The following RBFOX2 variants were observed in gnomAD, a reference collection of about 807,000 sequenced individuals.
RBFOX2 encodes the protein RNA binding fox-1 homolog 2, also known as RNA binding protein fox-1 homolog 2.
A neutral mutation model predicts 49.1 loss-of-function variants in RBFOX2; 10 were observed. The observed-to-expected ratio is 0.20, with a 90% confidence interval of 0.13 to 0.35. The LOEUF (loss-of-function observed/expected upper bound fraction) is 0.35, where lower values mean the gene tolerates loss of function less well. Ranked by LOEUF, RBFOX2 falls within the 10% of genes least tolerant of loss-of-function variation. The pLI is 1.00. For synonymous variants in RBFOX2, 183 were observed against 187.4 expected, an observed-to-expected ratio of 0.98 and a Z score of 0.19; for missense variants, 323 against 486.9, an observed-to-expected ratio of 0.66 and a Z score of 3.17.
intron 1 of RBFOX2, among the ~76,000 whole-genome samples, chr22:35,916,617 C>T (rs958375522): frequency 6.6e-6 from 1 of 152,056 alleles, no homozygotes; most frequent in Non-Finnish European, 1.5e-5. Flanking sequence ...AGGAGTGGGC[C>T]GGCCGTGGTA....
chr22:35,905,728 A>G (rs1327366602), intron 1 of RBFOX2, among the ~76,000 whole-genome samples: 2 of 152,206 alleles, frequency 1.3e-5, no homozygotes, highest in African/African-American at 4.8e-5. Flanking sequence ...AACACTGAAC[A>G]GTATAGCCTT....
intron 1 of RBFOX2, among the ~76,000 whole-genome samples, chr22:35,919,254 T>C (rs934902218): frequency 1.3e-5 from 2 of 152,236 alleles, no homozygotes; most frequent in African/African-American, 2.4e-5. Context: ...GAAGTGATGA[T>C]TGGCCAGGAG....
rs570834431 is a variant in RBFOX2, at chr22:36,000,582, A to G, written c.186+27658T>C. ...AAAAATGGAAGGAAATCAGGGAGGG[A>G]TGGAATGAAGAAAGAAAAAAAAAGA... is the stretch of plus-strand genomic sequence containing the variant. On this transcript the variant is annotated intron_variant, in intron 1 of 13. Transcript: ENST00000438146. The G allele has an allele frequency of 1.6e-4, 25 of 152,260 alleles. No individual in the cohort carries two copies. In the South Asian group the frequency reaches 4.8e-3, roughly 29 times the overall value. The allele number at this position is 152,260 out of a possible 1,614,324, so 9.4% of individuals were successfully genotyped here.
At chr22:35,750,780 C>T (rs1362889910) in intron 9 of RBFOX2, among the ~76,000 whole-genome samples, 2 of 152,212 alleles carry the variant, frequency 1.3e-5, no homozygotes, top group African/African-American at 2.4e-5. Context: ...TGTCAACAAC[C>T]GTATATTCTA....
chr22:36,010,738 C>T (rs1384923587), intron 1 of RBFOX2, among the ~76,000 whole-genome samples: 5 of 111,658 alleles, frequency 4.5e-5, no homozygotes, highest in Non-Finnish European at 5.8e-5. Flanking sequence ...TCAGTACACA[C>T]ACACACACAC....
chr22:35,799,567 C>A (rs1339683773), intron 2 of RBFOX2, among the ~76,000 whole-genome samples: 1 of 152,056 alleles, frequency 6.6e-6, no homozygotes, highest in Non-Finnish European at 1.5e-5. Context: ...CCAACATAAG[C>A]GAAATATACT....
chr22:35,898,417 TC>T (rs1370066749), intron 1 of RBFOX2: 1 of 370,752 alleles, frequency 2.7e-6, no homozygotes, highest in Non-Finnish European at 4.9e-6. Flanking sequence ...TCTCCCACAA[TC>T]CTTTTTTTTT....
At chr22:35,965,137 T>C (rs946622781), upstream of RBFOX2, among the ~76,000 whole-genome samples, 6 of 152,164 alleles carry the variant, frequency 3.9e-5, no homozygotes, top group Non-Finnish European at 7.4e-5. Context: ...TTTTAGAAGA[T>C]GCCATGGAGA....
chr22:35,856,761 G>C (rs555304965), intron 1 of RBFOX2, among the ~76,000 whole-genome samples: 1 of 152,108 alleles, frequency 6.6e-6, no homozygotes, highest in East Asian at 1.9e-4. Context: ...GGCCAGGCAC[G>C]GTGGCTCACA....
intron 1 of RBFOX2, among the ~76,000 whole-genome samples, chr22:35,817,156 TAGA>T (rs1338028388): frequency 6.6e-6 from 1 of 152,088 alleles, no homozygotes; most frequent in Non-Finnish European, 1.5e-5. Flanking sequence ...TCTACACCTT[TAGA>T]AGAACAGAGT....
At chr22:36,001,498 T>A (rs2058423664) in intron 1 of RBFOX2, among the ~76,000 whole-genome samples, 1 of 152,180 alleles carries the variant, frequency 6.6e-6, no homozygotes, top group African/African-American at 2.4e-5. Flanking sequence ...CAGGGGCTCA[T>A]GCCTGTAATC....
At chr22:35,928,866 G>A (rs1463836801) in intron 1 of RBFOX2, among the ~76,000 whole-genome samples, 1 of 152,114 alleles carries the variant, frequency 6.6e-6, no homozygotes, top group Non-Finnish European at 1.5e-5. Context: ...TTAGGGAAAT[G>A]CAAATTAAAC....
At chr22:35,954,473 C>G (rs1221435331) in intron 1 of RBFOX2, among the ~76,000 whole-genome samples, 1 of 152,160 alleles carries the variant, frequency 6.6e-6, no homozygotes, top group African/African-American at 2.4e-5. Flanking sequence ...TCACTTCAAG[C>G]TTAAATTACT....
intron 1 of RBFOX2, among the ~76,000 whole-genome samples, chr22:35,957,107 AC>A (rs1281578391): frequency 6.6e-6 from 1 of 152,204 alleles, no homozygotes; most frequent in African/African-American, 2.4e-5. Context: ...TATTAGAATC[AC>A]ACTGATCTAC....
chr22:35,939,178 C>T (rs919194833), upstream of RBFOX2: 2 of 600,458 alleles, frequency 3.3e-6, no homozygotes, highest in East Asian at 3.5e-5. Flanking sequence ...CAGGGTGCTA[C>T]TGCGACTGGG....
chr22:35,831,962 A>G (rs1956885624), intron 1 of RBFOX2, among the ~76,000 whole-genome samples: 1 of 152,204 alleles, frequency 6.6e-6, no homozygotes, highest in African/African-American at 2.4e-5. Context: ...GGCATGCTTT[A>G]TAGTGGAGAG....
chr22:35,984,226 C>A (rs983406504), intron 1 of RBFOX2, among the ~76,000 whole-genome samples: 1 of 152,120 alleles, frequency 6.6e-6, no homozygotes, highest in African/African-American at 2.4e-5. Context: ...GGTCCTGCCC[C>A]CAGAGTTCCT....
chr22:35,873,115 G>A (rs2044572385), intron 1 of RBFOX2, among the ~76,000 whole-genome samples: 1 of 152,150 alleles, frequency 6.6e-6, no homozygotes, highest in African/African-American at 2.4e-5. Context: ...GCTTTAAACT[G>A]CAAAATTTGT....
At chr22:35,897,284 C>A in intron 1 of RBFOX2, 1 of 1,510,844 alleles carries the variant, frequency 6.6e-7, no homozygotes, top group Non-Finnish European at 9.2e-7. Context: ...CGGTCTTGGC[C>A]AGCTTCACAT....
Sources: gnomAD v4.1 joint callset for allele counts (sites outside exome capture counted in the v4.1 genomes callset) on GRCh38, gnomAD v4.1.1 for gene constraint, MANE v1.5 for transcripts, NCBI Gene and HGNC (gene_info 2026-07-23, HGNC 2026-07-21) for gene names.